Variants in PRIM2 observed in about 807,000 individuals in gnomAD.
PRIM2 encodes DNA primase subunit 2, also known as DNA primase large subunit.
PRIM2 carries 39 observed loss-of-function variants against 67.3 expected under a neutral mutation model. That is an observed-to-expected ratio of 0.58 (90% CI 0.45 to 0.76). The LOEUF (loss-of-function observed/expected upper bound fraction) is 0.76, where lower values mean the gene tolerates loss of function less well. Ranked by LOEUF, PRIM2 falls within the 30% of genes least tolerant of loss-of-function variation. The probability of loss-of-function intolerance (pLI) is 0.00; values close to 1 mark genes in which losing one functional copy is unlikely to be tolerated. For synonymous variants in PRIM2, 143 were observed against 198.7 expected, an observed-to-expected ratio of 0.72 and a Z score of 2.36; for missense variants, 398 against 598.7, an observed-to-expected ratio of 0.66 and a Z score of 3.50.
At chr6:57,285,442 TC>T in the PRIM2 span, among the ~76,000 whole-genome samples, 1 of 152,226 alleles carries the variant, frequency 6.6e-6, no homozygotes, top group South Asian at 2.1e-4. Context: ...GTTGGCTTCA[TC>T]CCTGTGATGC....
At chr6:57,589,801 T>C (rs1250730942) in intron 10 of PRIM2, among the ~76,000 whole-genome samples, 1 of 151,822 alleles carries the variant, frequency 6.6e-6, no homozygotes, top group African/African-American at 2.4e-5. Context: ...TTTGATAAGG[T>C]GAGGTTTCAA....
At chr6:57,624,906 T>G (rs1776921198) in intron 12 of PRIM2, among the ~76,000 whole-genome samples, 1 of 152,106 alleles carries the variant, frequency 6.6e-6, no homozygotes, top group Non-Finnish European at 1.5e-5. Context: ...CTCACAATCA[T>G]GGTGGAAGGT....
intron 8 of PRIM2, among the ~76,000 whole-genome samples, chr6:57,510,250 T>C (rs1204910308): frequency 6.6e-6 from 1 of 152,230 alleles, no homozygotes; most frequent in Admixed American, 6.5e-5. Flanking sequence ...TTATATGTTT[T>C]GTTGAATGAA....
chr6:57,231,039 G>C, the PRIM2 span, among the ~76,000 whole-genome samples: 1 of 152,196 alleles, frequency 6.6e-6, no homozygotes, highest in Non-Finnish European at 1.5e-5. Context: ...GAGCAGAATG[G>C]TGAGGACATT....
chr6:57,492,786 T>C (rs1409199724), intron 7 of PRIM2, among the ~76,000 whole-genome samples: 17 of 152,142 alleles, frequency 1.1e-4, no homozygotes, highest in Non-Finnish European at 2.1e-4. Flanking sequence ...AGCTACTGTA[T>C]TGTCAGCACA....
At chr6:57,616,610 A>G (rs1401142795) in intron 12 of PRIM2, among the ~76,000 whole-genome samples, 2 of 152,112 alleles carry the variant, frequency 1.3e-5, no homozygotes, top group Admixed American at 6.5e-5. Context: ...TGTAAATTAT[A>G]TATGGTAACA....
Position 57,380,917 on chromosome 6 carries a change from C to T in PRIM2, c.555+921C>T, listed in dbSNP as rs562581168. 1.5e-3 allele frequency among the ~76,000 whole-genome samples: 227 copies of T among 148,508 alleles called. 1 individual carries two copies. The highest frequency in any genetic ancestry group is 4.4e-3 in the African/African-American group (177 of 39,820). On this transcript the variant is annotated intron_variant, in intron 6 of 13. Coordinates refer to ENST00000615550, the MANE Select transcript of PRIM2 (RefSeq NM_000947.5). ...TCCCTAAGGGTCAGTTAGCCTGTGT[C>T]TTCCTCCCCTCTCTCAGCTTTACAG...
chr6:57,228,167 A>G, the PRIM2 span, among the ~76,000 whole-genome samples: 1 of 152,232 alleles, frequency 6.6e-6, no homozygotes, highest in Non-Finnish European at 1.5e-5. Context: ...GAAGCCTCAG[A>G]TGGTGATAAA....
At chr6:57,395,734 G>A (rs912485579) in intron 7 of PRIM2, among the ~76,000 whole-genome samples, 7 of 151,906 alleles carry the variant, frequency 4.6e-5, no homozygotes, top group Non-Finnish European at 1.0e-4. Flanking sequence ...TGTTTCTCTA[G>A]TCCTTGAGGT....
At position 57,507,368 on chromosome 6, in the gene PRIM2, T is replaced by A; in HGVS notation, c.694-19T>A. The A allele has an allele frequency of 6.7e-7, 1 of 1,489,876 alleles. No individual in the cohort carries two copies. The highest frequency in any genetic ancestry group is 9.0e-7 in the Non-Finnish European group (1 of 1,111,876). 92.3% of individuals were successfully genotyped at this position (1,489,876 alleles called of 1,614,324 possible). ...GTTCGGCCTTTGCTGTTTTTACTAA[T>A]TTTCTTCCCTGCTTTTAGTTAACAG... On this transcript the variant is annotated intron_variant, in intron 7 of 13. Transcript: ENST00000615550.
chr6:57,617,383 A>T (rs1184047179), intron 12 of PRIM2, among the ~76,000 whole-genome samples: 2 of 152,188 alleles, frequency 1.3e-5, no homozygotes, highest in African/African-American at 4.8e-5. Flanking sequence ...TCACATTTTT[A>T]GGTAGTGGGA....
At chr6:57,406,055 T>C (rs1372345395) in intron 7 of PRIM2, among the ~76,000 whole-genome samples, 1 of 152,310 alleles carries the variant, frequency 6.6e-6, no homozygotes, top group South Asian at 2.1e-4. Flanking sequence ...AATAGAGTGA[T>C]GGACTTGTCT....
upstream of PRIM2, among the ~76,000 whole-genome samples, chr6:57,311,865 A>C (rs1767398378): frequency 6.6e-6 from 1 of 152,044 alleles, no homozygotes; most frequent in Non-Finnish European, 1.5e-5. Flanking sequence ...CGTCTCCACC[A>C]AAAATACAAA....
At chr6:57,499,698 T>TA (rs1774090257) in intron 7 of PRIM2, among the ~76,000 whole-genome samples, 1 of 152,232 alleles carries the variant, frequency 6.6e-6, no homozygotes. Flanking sequence ...TTGTATGTTT[T>TA]ACTCTTGTTA....
At chr6:57,435,747 C>T (rs1771990097) in intron 7 of PRIM2, among the ~76,000 whole-genome samples, 1 of 152,134 alleles carries the variant, frequency 6.6e-6, no homozygotes, top group African/African-American at 2.4e-5. Flanking sequence ...ATAAACATAA[C>T]CAGACATTTG....
rs2127503480 is a variant in PRIM2, at chr6:57,646,414, T to C, written c.*256T>C. On this transcript the variant is annotated 3_prime_UTR_variant, in exon 14 of 14. Transcript: ENST00000615550. ...TGTAGAGGTGGGGGGTCTCCCTATGTTGCCCAGGCAGATCTCAGACTCCTG... is the reference window on the plus strand; with the variant it reads ...TGTAGAGGTGGGGGGTCTCCCTATGCTGCCCAGGCAGATCTCAGACTCCTG... 1 of 383,092 alleles carries C rather than the reference T, an allele frequency of 2.6e-6. No individual in the cohort carries two copies. The highest frequency in any genetic ancestry group is 5.1e-5 in the East Asian group (1 of 19,482). 23.7% of individuals were successfully genotyped at this position (383,092 alleles called of 1,614,324 possible).
chr6:57,613,051 T>C, intron 12 of PRIM2, among the ~76,000 whole-genome samples: 1 of 152,206 alleles, frequency 6.6e-6, no homozygotes, highest in East Asian at 1.9e-4. Flanking sequence ...CACCTTGGCC[T>C]CCCAAAGTGC....
intron 10 of PRIM2, among the ~76,000 whole-genome samples, chr6:57,573,629 CGT>C (rs1404862004): frequency 4.6e-5 from 7 of 151,924 alleles, no homozygotes; most frequent in African/African-American, 1.4e-4. Flanking sequence ...ATTATATATA[CGT>C]GTGTGTGTGT....
chr6:57,365,949 CAAAAAAAAA>C (rs5876544), intron 5 of PRIM2, among the ~76,000 whole-genome samples: 6 of 62,644 alleles, frequency 9.6e-5, no homozygotes, highest in Admixed American at 7.8e-4. Context: ...GACCATATCT[CAAAAAAAAA>C]AAAAAAAAAA....
Sources: allele counts gnomAD v4.1 joint callset (sites outside exome capture counted in the v4.1 genomes callset), GRCh38; gene constraint gnomAD v4.1.1; transcripts MANE v1.5; gene names NCBI Gene and HGNC (gene_info 2026-07-23, HGNC 2026-07-21).